The following ANKH variants were observed in gnomAD, a reference collection of about 807,000 sequenced individuals.
ANKH encodes mineralization regulator ANKH.
ANKH carries 15 observed loss-of-function variants against 49.0 expected under a neutral mutation model. The observed-to-expected ratio is 0.31, with a 90% CI of 0.20 to 0.47. The LOEUF is 0.47. ANKH is among the 20% of genes least tolerant of loss of function. ANKH has a pLI of 1.00. For missense variants in ANKH, 429 were observed against 652.0 expected, an observed-to-expected ratio of 0.66 and a Z score of 3.72; for synonymous variants, 273 against 260.0, an observed-to-expected ratio of 1.05 and a Z score of -0.48.
intron 1 of ANKH, among the ~76,000 whole-genome samples, chr5:14,846,712 C>T (rs575296891): frequency 6.6e-6 from 1 of 152,090 alleles, no homozygotes; most frequent in Non-Finnish European, 1.5e-5. Flanking sequence ...ACCTCAAGGG[C>T]CAAGGGTGGT....
intron 1 of ANKH, among the ~76,000 whole-genome samples, chr5:14,783,555 CACAAT>C (rs1384668590): frequency 2.6e-5 from 4 of 152,248 alleles, no homozygotes; most frequent in Non-Finnish European, 5.9e-5. Context: ...CTGTTTAGAA[CACAAT>C]ACAAGAAAGG....
intron 8 of ANKH, among the ~76,000 whole-genome samples, chr5:14,726,342 C>G (rs1737821891): frequency 6.6e-6 from 1 of 152,160 alleles, no homozygotes; most frequent in Admixed American, 6.5e-5. Context: ...AAGGGTTTCA[C>G]AGGTCATGGT....
chr5:14,742,105 C>G (rs963349489), intron 7 of ANKH, among the ~76,000 whole-genome samples, 183 bp from the exon 8 acceptor site: 13 of 152,206 alleles, frequency 8.5e-5, no homozygotes. Context: ...GGTCCCTGTA[C>G]AGGATCATTA....
intron 1 of ANKH, among the ~76,000 whole-genome samples, chr5:14,830,908 A>G (rs1194418399): frequency 6.6e-6 from 1 of 152,222 alleles, no homozygotes; most frequent in South Asian, 2.1e-4. Flanking sequence ...ACAGCCCAGG[A>G]AACCCTTGGT....
At chr5:14,866,957 G>A (rs1318140322) in intron 1 of ANKH, among the ~76,000 whole-genome samples, 1 of 152,064 alleles carries the variant, frequency 6.6e-6, no homozygotes, top group Non-Finnish European at 1.5e-5. Flanking sequence ...AGGAGTTGAA[G>A]ACCAGCCTGG....
chr5:14,750,635 A>G (rs1738680797), intron 5 of ANKH, among the ~76,000 whole-genome samples: 1 of 152,232 alleles, frequency 6.6e-6, no homozygotes, highest in African/African-American at 2.4e-5. Flanking sequence ...AGGCACCTGA[A>G]TAAGGGACTG....
chr5:14,719,267 T>C (rs1486092769), intron 8 of ANKH, among the ~76,000 whole-genome samples: 1 of 152,222 alleles, frequency 6.6e-6, no homozygotes, highest in African/African-American at 2.4e-5. Flanking sequence ...AAACTATCAC[T>C]CAAGTGTGTT....
In ANKH at chr5:14,705,946, C is replaced by T. The variant is rs1033143573; in HGVS notation, c.*5251G>A. The T allele has an allele frequency of 6.6e-6, 1 of 152,180 alleles. No individual in the cohort carries two copies. Among genetic ancestry groups the T allele is most frequent in the African/African-American group, 2.4e-5 (1 of 41,452 alleles). The allele number at this position is 152,180 out of a possible 1,614,324, so 9.4% of individuals were successfully genotyped here. On this transcript the variant is annotated 3_prime_UTR_variant, in exon 12 of 12. Coordinates refer to ENST00000284268, the MANE Select transcript of ANKH (RefSeq NM_054027.6). The stretch of plus-strand genomic sequence containing the variant: ...CTAATGTTCCCCAACTCCAGAGGCG[C>T]CATTTCTTGCCCTGGCTTATAGCTA...
chr5:14,730,877 G>C (rs1737977186), intron 8 of ANKH, among the ~76,000 whole-genome samples: 1 of 152,192 alleles, frequency 6.6e-6, no homozygotes, highest in Non-Finnish European at 1.5e-5. Flanking sequence ...TGTAAATACT[G>C]AAACTGTCTG....
Position 14,798,354 on chromosome 5 carries a change from A to G in ANKH, c.97-29163T>C, listed in dbSNP as rs1261076072. Reference sequence around the variant, plus strand: ...CCATATTTTGTATTCCTTGTTGATCACTCATTCTTCCACTGTGTTGTCAAA... The same window carrying G: ...CCATATTTTGTATTCCTTGTTGATCGCTCATTCTTCCACTGTGTTGTCAAA... On this transcript the variant is annotated intron_variant, in intron 1 of 11. Transcript: ENST00000284268. 1.9e-6 allele frequency: 3 copies of G among 1,561,790 alleles called. No individual in the cohort carries two copies. In the Admixed American group the frequency reaches 5.0e-5, roughly 26 times the overall value.
chr5:14,861,564 G>T (rs1735495196), intron 1 of ANKH, among the ~76,000 whole-genome samples: 1 of 152,170 alleles, frequency 6.6e-6, no homozygotes, highest in Non-Finnish European at 1.5e-5. Context: ...TGGGTGTGGT[G>T]TGTGGCAGTG....
intron 6 of ANKH, among the ~76,000 whole-genome samples, chr5:14,747,945 G>T (rs538969274): frequency 6.6e-6 from 1 of 152,240 alleles, no homozygotes; most frequent in African/African-American, 2.4e-5. Flanking sequence ...CATCCCATAG[G>T]GTTACTGGGG....
Position 14,871,457 on chromosome 5 carries a change from C to T in ANKH, c.-10G>A. The T allele has an allele frequency of 1.9e-6, 3 of 1,609,130 alleles. No homozygotes were observed. Among genetic ancestry groups the T allele is most frequent in the Non-Finnish European group, 2.5e-6 (3 of 1,177,030 alleles). On this transcript the variant is annotated 5_prime_UTR_variant, in exon 1 of 12. Transcript: ENST00000284268. ...CCGGGAATTTCACCATAGTCCCCGC[C>T]GTGGGCTGACCCCACACACATCTGC...
intron 2 of ANKH, among the ~76,000 whole-genome samples, chr5:14,765,814 G>A (rs1045756822): frequency 1.3e-5 from 2 of 152,202 alleles, no homozygotes; most frequent in African/African-American, 4.8e-5. Context: ...AGGGGACACT[G>A]CGTTAGTGAA....
At chr5:14,825,890 G>A (rs1419253327) in intron 1 of ANKH, 3 of 152,386 alleles carry the variant, frequency 2.0e-5, no homozygotes, top group Non-Finnish European at 4.4e-5. Flanking sequence ...ATCATGTTAT[G>A]TAACCTCCAT....
At chr5:14,859,058 T>A (rs1735397017) in intron 1 of ANKH, among the ~76,000 whole-genome samples, 1 of 152,178 alleles carries the variant, frequency 6.6e-6, no homozygotes, top group South Asian at 2.1e-4. Flanking sequence ...TTTTAATAAT[T>A]TTTAAGTGTA....
chr5:14,777,117 A>G (rs1228129764), intron 1 of ANKH, among the ~76,000 whole-genome samples: 1 of 147,594 alleles, frequency 6.8e-6, no homozygotes, highest in African/African-American at 2.5e-5. Flanking sequence ...CCCTGTCTCT[A>G]CCAAAAATAT....
At chr5:14,749,765 C>T (rs1046739445) in intron 5 of ANKH, among the ~76,000 whole-genome samples, 24 of 152,338 alleles carry the variant, frequency 1.6e-4, no homozygotes, top group African/African-American at 5.3e-4. Context: ...ATTATTCTGG[C>T]AGTGTAGAAA....
rs1017314538 is a variant in ANKH, at chr5:14,709,303, A to G, written c.*1894T>C. 1.3e-5 allele frequency: 2 copies of G among 152,132 alleles called. No individual in the cohort carries two copies. Among genetic ancestry groups the G allele is most frequent in the South Asian group, 2.1e-4 (1 of 4,832 alleles). 9.4% of individuals were successfully genotyped at this position (152,132 alleles called of 1,614,324 possible). A position where few individuals can be genotyped will look rare whatever the true frequency, so the allele number is the denominator to read the frequency against. On this transcript the variant is annotated 3_prime_UTR_variant, in exon 12 of 12. Transcript: ENST00000284268. Reference sequence around the variant, plus strand: ...AATGTCCTTTAAAAAAAGCTGATACATTGAGATTTTTTTTTAATCTTCTCA... The same window carrying G: ...AATGTCCTTTAAAAAAAGCTGATACGTTGAGATTTTTTTTTAATCTTCTCA...
Sources: gnomAD v4.1 joint callset for allele counts (sites outside exome capture counted in the v4.1 genomes callset) on GRCh38, gnomAD v4.1.1 for gene constraint, MANE v1.5 for transcripts, NCBI Gene and HGNC (gene_info 2026-07-23, HGNC 2026-07-21) for gene names.